Variants in CA10 observed in about 807,000 individuals in gnomAD.
CA10 encodes carbonic anhydrase-related protein 10.
CA10 carries 14 observed loss-of-function variants against 44.2 expected under a neutral mutation model. The ratio of observed to expected loss-of-function variants is 0.32; its 90% confidence interval spans 0.21 to 0.50. CA10 has a LOEUF of 0.50. Among genes scored for constraint, CA10 ranks in the 20% least tolerant of loss-of-function variants. The pLI is 0.99. For synonymous variants in CA10, 159 were observed against 141.6 expected (o/e 1.12, Z -0.87); for missense variants, 350 against 409.7 (o/e 0.85, Z 1.26).
intron 2 of CA10, among the ~76,000 whole-genome samples, chr17:52,048,574 T>A (rs923517632): frequency 2.0e-5 from 3 of 151,894 alleles, no homozygotes; most frequent in Admixed American, 6.6e-5. Context: ...CAAGGAGCCA[T>A]GAAAGGGGGT....
chr17:51,798,080 C>T (rs1906785405), intron 3 of CA10, among the ~76,000 whole-genome samples: 1 of 152,132 alleles, frequency 6.6e-6, no homozygotes, highest in Non-Finnish European at 1.5e-5. Flanking sequence ...AATGCCTTCA[C>T]CTCTTTTGTT....
At chr17:51,792,371 G>T (rs1906554076) in intron 3 of CA10, among the ~76,000 whole-genome samples, 1 of 152,198 alleles carries the variant, frequency 6.6e-6, no homozygotes. Flanking sequence ...TTGCAAATAG[G>T]AGGTATGTGA....
intron 2 of CA10, among the ~76,000 whole-genome samples, chr17:51,969,327 C>T (rs1362280819): frequency 4.6e-5 from 7 of 152,036 alleles, no homozygotes; most frequent in South Asian, 2.1e-4. Flanking sequence ...ATTTTACAGA[C>T]GAGAAAACAC....
Position 52,037,068 on chromosome 17 carries a change from C to T in CA10, c.136+35251G>A, listed in dbSNP as rs148307885. 1.2e-3 allele frequency among the ~76,000 whole-genome samples: 184 copies of T among 151,914 alleles called. 5 individuals are homozygous for T. In the South Asian group the frequency reaches 0.023, roughly 19 times the overall value. On this transcript the variant is annotated intron_variant, in intron 2 of 8. Coordinates refer to ENST00000451037, the MANE Select transcript of CA10 (RefSeq NM_020178.5). The stretch of plus-strand genomic sequence containing the variant: ...ATGATTAAGACAAGTGATGTGGTAA[C>T]CAAGAATTGGGAAAAGATTTTGAAG...
At chr17:52,085,617 T>A (rs945087980) in intron 1 of CA10, among the ~76,000 whole-genome samples, 1 of 152,204 alleles carries the variant, frequency 6.6e-6, no homozygotes, top group African/African-American at 2.4e-5. Flanking sequence ...TCATCCTATC[T>A]CCTTTGGGCA....
intron 1 of CA10, among the ~76,000 whole-genome samples, chr17:52,148,644 T>C (rs566452095): frequency 9.9e-5 from 15 of 152,282 alleles, no homozygotes; most frequent in African/African-American, 3.6e-4. Flanking sequence ...TCCCTCAGTC[T>C]GCCCTGAATG....
At chr17:51,680,545 G>A (rs77138640) in intron 4 of CA10, among the ~76,000 whole-genome samples, 4,741 of 152,290 alleles carry the variant, frequency 0.031, 114 homozygotes, top group Non-Finnish European at 0.049. Context: ...GGTTCTCAAA[G>A]TTGGGGAGTG....
chr17:52,010,575 A>G (rs1365851936), intron 2 of CA10, among the ~76,000 whole-genome samples: 1 of 151,938 alleles, frequency 6.6e-6, no homozygotes, highest in African/African-American at 2.4e-5. Flanking sequence ...CTAACCTATG[A>G]GGACACAAAG....
At chr17:52,077,107 T>G (rs1435033164) in intron 1 of CA10, among the ~76,000 whole-genome samples, 2 of 152,224 alleles carry the variant, frequency 1.3e-5, no homozygotes, top group Non-Finnish European at 2.9e-5. Flanking sequence ...CTGATGATTT[T>G]CCAAAGGAAA....
intron 2 of CA10, among the ~76,000 whole-genome samples, chr17:52,006,272 T>C (rs779291686): frequency 9.9e-5 from 15 of 150,832 alleles, no homozygotes; most frequent in African/African-American, 1.5e-4. Flanking sequence ...CAACTAGCTA[T>C]ACTGAAAAAA....
chr17:51,843,278 C>T (rs1003123227), intron 3 of CA10, among the ~76,000 whole-genome samples: 21 of 152,290 alleles, frequency 1.4e-4, no homozygotes, highest in African/African-American at 3.1e-4. Flanking sequence ...CAGCTTCTCA[C>T]GGCTGGGCCT....
intron 6 of CA10, among the ~76,000 whole-genome samples, chr17:51,646,303 C>T (rs1449609986): frequency 6.6e-6 from 1 of 152,090 alleles, no homozygotes; most frequent in Admixed American, 6.5e-5. Context: ...AAAGCATAGA[C>T]CTTGGTGTGT....
At chr17:51,651,316 C>T (rs2143276317) in intron 5 of CA10, among the ~76,000 whole-genome samples, 1 of 152,108 alleles carries the variant, frequency 6.6e-6, no homozygotes, top group African/African-American at 2.4e-5. Context: ...ACCTCATGCT[C>T]CATCAGAGTT....
At position 51,634,293 on chromosome 17, in the gene CA10, G is replaced by A. The variant is rs147142393; in HGVS notation, c.790-643C>T. 8.4e-4 allele frequency among the ~76,000 whole-genome samples: 128 copies of A among 152,300 alleles called. 1 individual carries two copies. Among genetic ancestry groups the A allele is most frequent in the African/African-American group, 2.0e-3 (85 of 41,572 alleles). The stretch of plus-strand genomic sequence containing the variant: ...ATTTTAAATTCTCTAAGATGCCCTC[G>A]TAGCTCTCAAATAAATGCTTTTTCT... On this transcript the variant is annotated intron_variant, in intron 7 of 8. Transcript: ENST00000451037.
At chr17:52,030,639 G>C (rs1420153198) in intron 2 of CA10, among the ~76,000 whole-genome samples, 1 of 152,178 alleles carries the variant, frequency 6.6e-6, no homozygotes, top group Admixed American at 6.5e-5. Context: ...GTTTTTCCAA[G>C]GAGATTAGCA....
At chr17:51,935,176 G>A (rs2144003983) in intron 2 of CA10, among the ~76,000 whole-genome samples, 1 of 152,238 alleles carries the variant, frequency 6.6e-6, no homozygotes, top group Non-Finnish European at 1.5e-5. Context: ...ACCTTTTGGA[G>A]CAAAAGTGGG....
intron 3 of CA10, among the ~76,000 whole-genome samples, chr17:51,834,284 G>C (rs1306188331): frequency 1.3e-5 from 2 of 152,194 alleles, no homozygotes; most frequent in Non-Finnish European, 2.9e-5. Context: ...GCATGCATGA[G>C]AATGATTTAG....
chr17:51,700,897 A>G (rs1915576922), intron 4 of CA10, among the ~76,000 whole-genome samples: 1 of 152,048 alleles, frequency 6.6e-6, no homozygotes, highest in South Asian at 2.1e-4. Flanking sequence ...GAGGGAAACC[A>G]CACACCCCGG....
rs141637521 is a variant in CA10, at chr17:51,689,952, A to ATT, written c.466-36218_466-36217dup. ...GAACACTTAAAATCTACTCTTACCG[A>ATT]TTTTTTTTTTTTTGAGATGGAGTCT... is the stretch of plus-strand genomic sequence containing the variant. On this transcript the variant is annotated intron_variant, in intron 4 of 8. Coordinates refer to ENST00000451037, the MANE Select transcript of CA10 (RefSeq NM_020178.5). Among the ~76,000 whole-genome samples, 1,307 of 145,160 alleles carry ATT rather than the reference A, an allele frequency of 9.0e-3. 17 individuals carry two copies. The highest frequency in any genetic ancestry group is 0.03 in the African/African-American group (1,209 of 39,878).
Sources: gnomAD v4.1 joint callset for allele counts (sites outside exome capture counted in the v4.1 genomes callset) on GRCh38, gnomAD v4.1.1 for gene constraint, MANE v1.5 for transcripts, NCBI Gene and HGNC (gene_info 2026-07-23, HGNC 2026-07-21) for gene names.